Variants in SIPA1L1 observed in about 807,000 individuals in gnomAD.
SIPA1L1 encodes the protein signal-induced proliferation-associated 1-like protein 1.
Under a neutral mutation model 162.7 loss-of-function variants are expected in SIPA1L1, and 26 were observed. That is an observed-to-expected ratio of 0.16 (90% CI 0.12 to 0.22). The LOEUF is 0.22. Among genes scored for constraint, SIPA1L1 ranks in the 10% least tolerant of loss-of-function variants. SIPA1L1 has a pLI of 1.00. For missense variants in SIPA1L1, 1,874 were observed against 2,241.0 expected (o/e 0.84, Z 3.31); for synonymous variants, 829 against 837.4 (o/e 0.99, Z 0.17).
At chr14:71,677,847 A>G (rs1243623960) in intron 12 of SIPA1L1, among the ~76,000 whole-genome samples, 7 of 152,228 alleles carry the variant, frequency 4.6e-5, no homozygotes, top group African/African-American at 1.7e-4. Context: ...CTATTTTGGT[A>G]CCAGTACCAT....
chr14:71,554,310 A>G (rs767534203), intron 4 of SIPA1L1, among the ~76,000 whole-genome samples: 4 of 150,956 alleles, frequency 2.6e-5, no homozygotes, highest in East Asian at 2.0e-4. Flanking sequence ...CTTTGCACAC[A>G]TGAAGCCATG....
At chr14:71,580,824 T>C (rs1396892937) in intron 4 of SIPA1L1, among the ~76,000 whole-genome samples, 5 of 152,204 alleles carry the variant, frequency 3.3e-5, no homozygotes, top group African/African-American at 7.2e-5. Flanking sequence ...TGGCTTTTTT[T>C]CTCATAAGTT....
rs1164231798 is a variant in SIPA1L1, at chr14:71,709,272, T to A, written c.3816T>A (p.Asn1272Lys). Reference sequence around the variant, plus strand: ...CCAGTAGCAATACTCTCTCCAGCAATGCGTCAAGTGCCCATAGTGATGAGA... The same window carrying A: ...CCAGTAGCAATACTCTCTCCAGCAAAGCGTCAAGTGCCCATAGTGATGAGA... ...SHSSSNTLSS[N>K]ASSAHSDEKW... The change falls in exon 17 of 24, where the codon AAT becomes AAA. Residue 1272 changes from asparagine to lysine, a missense_variant. This residue lies in a region of SIPA1L1 where 936 missense variants were observed against 1,051.9 expected (regional missense o/e 0.89). Transcript: ENST00000381232. The A allele has an allele frequency of 6.2e-7, 1 of 1,614,222 alleles. No individual in the cohort carries two copies.
At chr14:71,689,980 T>G (rs2081138730) in intron 13 of SIPA1L1, among the ~76,000 whole-genome samples, 1 of 152,218 alleles carries the variant, frequency 6.6e-6, no homozygotes, top group Non-Finnish European at 1.5e-5. Flanking sequence ...CTTTTTAAGT[T>G]TGTTATATCA....
intron 4 of SIPA1L1, among the ~76,000 whole-genome samples, chr14:71,587,357 G>GTT (rs879895661): frequency 6.9e-6 from 1 of 145,502 alleles, no homozygotes; most frequent in Admixed American, 6.8e-5. Flanking sequence ...AGTCTTAATA[G>GTT]TTTTTTTTTT....
At chr14:71,635,577 AATAC>A (rs1277276797) in intron 7 of SIPA1L1, among the ~76,000 whole-genome samples, 1 of 152,212 alleles carries the variant, frequency 6.6e-6, no homozygotes, top group Non-Finnish European at 1.5e-5. Context: ...TATATATAGT[AATAC>A]ATAGAGCAAT....
intron 2 of SIPA1L1, among the ~76,000 whole-genome samples, chr14:71,414,930 A>C (rs1365953464): frequency 2.0e-5 from 3 of 152,224 alleles, no homozygotes; most frequent in African/African-American, 7.2e-5. Flanking sequence ...AGCTTAATGC[A>C]GATTAAGGGA....
At chr14:71,729,305 G>T (rs1343684025) in intron 19 of SIPA1L1, among the ~76,000 whole-genome samples, 2 of 152,044 alleles carry the variant, frequency 1.3e-5, no homozygotes, top group African/African-American at 4.8e-5. Flanking sequence ...CAAAGTGCTG[G>T]GATTACAGGC....
At chr14:71,591,342 A>G (rs1447144967) in intron 5 of SIPA1L1, among the ~76,000 whole-genome samples, 2 of 152,122 alleles carry the variant, frequency 1.3e-5, no homozygotes, top group Non-Finnish European at 2.9e-5. Context: ...GGAGCTAGTA[A>G]ATGTTGGAGC....
intron 5 of SIPA1L1, among the ~76,000 whole-genome samples, chr14:71,618,043 G>C (rs563230077): frequency 6.6e-6 from 1 of 152,102 alleles, no homozygotes; most frequent in Non-Finnish European, 1.5e-5. Context: ...TAAATTCAGC[G>C]CCAGTCCTTT....
At chr14:71,355,167 T>C (rs988397474) in intron 2 of SIPA1L1, among the ~76,000 whole-genome samples, 1 of 152,246 alleles carries the variant, frequency 6.6e-6, no homozygotes, top group African/African-American at 2.4e-5. Flanking sequence ...AGATATCAAA[T>C]GTCCTTTGTA....
chr14:71,353,921 A>AT (rs1445540621), intron 2 of SIPA1L1, among the ~76,000 whole-genome samples: 1 of 151,998 alleles, frequency 6.6e-6, no homozygotes, highest in African/African-American at 2.4e-5. Context: ...TGTAATCTTA[A>AT]TTTTTTTCAG....
chr14:71,476,804 A>C (rs1411766424), intron 2 of SIPA1L1, among the ~76,000 whole-genome samples: 2 of 151,902 alleles, frequency 1.3e-5, no homozygotes, highest in Admixed American at 1.3e-4. Flanking sequence ...CAGCCTCCCA[A>C]GTAGCTGGGA....
chr14:71,565,769 G>A (rs117455350), intron 4 of SIPA1L1, among the ~76,000 whole-genome samples: 241 of 151,972 alleles, frequency 1.6e-3, no homozygotes, highest in Non-Finnish European at 2.7e-3. Flanking sequence ...AATTTCCTGT[G>A]TATTACTTCC....
intron 2 of SIPA1L1, among the ~76,000 whole-genome samples, chr14:71,364,572 A>T (rs560098645): frequency 2.0e-5 from 3 of 152,234 alleles, no homozygotes; most frequent in African/African-American, 7.2e-5. Context: ...AATATATCAC[A>T]GTTTGTGCAC....
chr14:71,513,971 G>A (rs545072872), intron 3 of SIPA1L1, among the ~76,000 whole-genome samples: 9 of 152,198 alleles, frequency 5.9e-5, no homozygotes, highest in African/African-American at 1.9e-4. Flanking sequence ...CATTACCGGC[G>A]GCGAATCCGT....
chr14:71,675,442 T>C (rs368920046), intron 12 of SIPA1L1, among the ~76,000 whole-genome samples: 15 of 151,974 alleles, frequency 9.9e-5, no homozygotes, highest in African/African-American at 3.1e-4. Context: ...ATCTGAAAAG[T>C]CAGACCTGGG....
chr14:71,452,591 A>C (rs946534724), intron 2 of SIPA1L1, among the ~76,000 whole-genome samples: 1 of 152,184 alleles, frequency 6.6e-6, no homozygotes, highest in Admixed American at 6.5e-5. Flanking sequence ...ATTTGTTCAG[A>C]TTTAGTAGAC....
chr14:71,386,919 A>G (rs995205191), intron 2 of SIPA1L1, among the ~76,000 whole-genome samples: 10 of 152,138 alleles, frequency 6.6e-5, no homozygotes, highest in African/African-American at 2.4e-4. Flanking sequence ...CTTCCCTATG[A>G]ACAGTAGCTG....
Sources: allele counts gnomAD v4.1 joint callset (sites outside exome capture counted in the v4.1 genomes callset), GRCh38; gene constraint gnomAD v4.1.1; regional missense constraint gnomAD v4.1.1; transcripts MANE v1.5; gene names NCBI Gene and HGNC (gene_info 2026-07-23, HGNC 2026-07-21).